Variants in SDCCAG8 observed in about 807,000 individuals in gnomAD.
SDCCAG8 encodes the protein serologically defined colon cancer antigen 8.
Under a neutral mutation model 101.8 loss-of-function variants are expected in SDCCAG8, and 74 were observed. That is an observed-to-expected ratio of 0.73 (90% CI 0.60 to 0.88). The LOEUF (loss-of-function observed/expected upper bound fraction) is 0.88, where lower values mean the gene tolerates loss of function less well. Ranked by LOEUF, SDCCAG8 falls within the 40% of genes least tolerant of loss-of-function variation. The pLI is 0.00. For synonymous variants in SDCCAG8, 281 were observed against 292.9 expected (o/e 0.96, Z 0.41); for missense variants, 787 against 822.6 (o/e 0.96, Z 0.53).
At chr1:243,375,335 G>C (rs1411072489) in intron 12 of SDCCAG8, among the ~76,000 whole-genome samples, 1 of 152,098 alleles carries the variant, frequency 6.6e-6, no homozygotes, top group Non-Finnish European at 1.5e-5. Flanking sequence ...TCCTTGTTAT[G>C]AGCCATTTAA....
intron 8 of SDCCAG8, among the ~76,000 whole-genome samples, chr1:243,309,752 C>T (rs1354204856): frequency 1.3e-5 from 2 of 152,212 alleles, no homozygotes; most frequent in East Asian, 1.9e-4. Flanking sequence ...ACCTCAGCTT[C>T]CCAAAGTATT....
chr1:243,374,016 C>G (rs879286016), intron 12 of SDCCAG8, among the ~76,000 whole-genome samples: 18 of 152,004 alleles, frequency 1.2e-4, no homozygotes, highest in Non-Finnish European at 2.1e-4. Flanking sequence ...CATTTAAATA[C>G]TGTATATTCT....
chr1:243,309,110 G>A (rs2072458552), intron 8 of SDCCAG8, among the ~76,000 whole-genome samples: 1 of 152,164 alleles, frequency 6.6e-6, no homozygotes, highest in African/African-American at 2.4e-5. Context: ...ATCTTCTGTT[G>A]TTTGGAGGAA....
intron 12 of SDCCAG8, among the ~76,000 whole-genome samples, chr1:243,371,131 A>G (rs529085948): frequency 1.1e-4 from 17 of 152,262 alleles, no homozygotes; most frequent in Admixed American, 9.8e-4. Context: ...GTAGCATGAT[A>G]CTTGACCCAT....
chr1:243,448,470 G>A (rs2083098116), intron 16 of SDCCAG8, among the ~76,000 whole-genome samples: 1 of 152,168 alleles, frequency 6.6e-6, no homozygotes, highest in South Asian at 2.1e-4. Flanking sequence ...TTCTAACAAT[G>A]GTAACAGGGG....
chr1:243,297,386 A>T (rs545189573), intron 6 of SDCCAG8, among the ~76,000 whole-genome samples: 1 of 152,180 alleles, frequency 6.6e-6, no homozygotes, highest in Non-Finnish European at 1.5e-5. Context: ...GCTGCTATGA[A>T]CATTCTTTCA....
rs530676093 is a variant in SDCCAG8 at position 243,277,216 on chromosome 1, G to A, written c.420+2560G>A. Among the ~76,000 whole-genome samples the A allele has an allele frequency of 1.6e-4, 24 of 152,306 alleles. No individual in the cohort carries two copies. The South Asian group carries it at 5.0e-3, about 32-fold the overall frequency. On this transcript the variant is annotated intron_variant, in intron 4 of 17. Coordinates refer to ENST00000366541, the MANE Select transcript of SDCCAG8 (RefSeq NM_006642.5). ...GGTAAGACTAATTTTAACTTTGCAAGAAATTGCCTAACTTTTCTAAAGTGG... is the reference window on the plus strand; with the variant it reads ...GGTAAGACTAATTTTAACTTTGCAAAAAATTGCCTAACTTTTCTAAAGTGG...
intron 16 of SDCCAG8, among the ~76,000 whole-genome samples, chr1:243,469,599 C>T (rs1281689617): frequency 6.6e-6 from 1 of 152,146 alleles, no homozygotes; most frequent in African/African-American, 2.4e-5. Flanking sequence ...TACAAGTAAA[C>T]TGAATTTACA....
intron 12 of SDCCAG8, among the ~76,000 whole-genome samples, chr1:243,355,384 G>GTA (rs928928852): frequency 6.6e-6 from 1 of 151,700 alleles, no homozygotes; most frequent in African/African-American, 2.4e-5. Context: ...TATACAAGTA[G>GTA]TAGTATTAGC....
chr1:243,320,663 T>C (rs2073681612), intron 9 of SDCCAG8, among the ~76,000 whole-genome samples: 2 of 152,224 alleles, frequency 1.3e-5, no homozygotes, highest in Admixed American at 1.3e-4. Context: ...TGCCCCAGTT[T>C]TTCCTCATCT....
chr1:243,434,956 G>A (rs2082037744), intron 16 of SDCCAG8, among the ~76,000 whole-genome samples: 1 of 152,180 alleles, frequency 6.6e-6, no homozygotes, highest in South Asian at 2.1e-4. Context: ...TTGGGACAAT[G>A]CCAAAGAAAT....
intron 16 of SDCCAG8, among the ~76,000 whole-genome samples, chr1:243,475,461 G>A (rs149352013): frequency 1.3e-5 from 2 of 152,184 alleles, no homozygotes; most frequent in Non-Finnish European, 2.9e-5. Flanking sequence ...TCCCTCCGGC[G>A]CCTCTTACTC....
chr1:243,493,732 C>G (rs1008163141), intron 17 of SDCCAG8, among the ~76,000 whole-genome samples: 5 of 152,074 alleles, frequency 3.3e-5, no homozygotes, highest in Admixed American at 6.5e-5. Context: ...TAAACTTGTG[C>G]ATGGATCCAG....
At chr1:243,389,460 A>G (rs973067177) in intron 13 of SDCCAG8, among the ~76,000 whole-genome samples, 1 of 152,144 alleles carries the variant, frequency 6.6e-6, no homozygotes, top group Admixed American at 6.5e-5. Context: ...GTGGCCCATG[A>G]TGGCTGCTTG....
intron 16 of SDCCAG8, among the ~76,000 whole-genome samples, chr1:243,434,592 A>G (rs1331619917): frequency 2.6e-5 from 4 of 152,216 alleles, no homozygotes; most frequent in African/African-American, 7.2e-5. Context: ...ACAACAGACA[A>G]TCGAATACTA....
chr1:243,359,140 C>G lies in SDCCAG8; in HGVS notation c.1473+14809C>G, dbSNP rs116212550. Among the ~76,000 whole-genome samples the G allele has an allele frequency of 5.6e-3, 851 of 152,290 alleles. 13 individuals carry two copies. Among genetic ancestry groups the G allele is most frequent in the African/African-American group, 0.02 (817 of 41,548 alleles). On this transcript the variant is annotated intron_variant, in intron 12 of 17. Coordinates refer to ENST00000366541, the MANE Select transcript of SDCCAG8 (RefSeq NM_006642.5). ...AGGAGTGTTAGCCAGCACCTTCCTC[C>G]TTCCTCTTGGTGACTAGAGTGTTAG...
At chr1:243,479,803 A>C (rs758420325) in intron 16 of SDCCAG8, among the ~76,000 whole-genome samples, 8 of 152,078 alleles carry the variant, frequency 5.3e-5, no homozygotes, top group Non-Finnish European at 1.0e-4. Context: ...GCCACACAAA[A>C]ATTATTCTCC....
At chr1:243,353,761 C>A (rs1431392847) in intron 12 of SDCCAG8, among the ~76,000 whole-genome samples, 1 of 152,082 alleles carries the variant, frequency 6.6e-6, no homozygotes, top group East Asian at 1.9e-4. Context: ...ATATAATTGT[C>A]TCCTTGTAAT....
intron 9 of SDCCAG8, among the ~76,000 whole-genome samples, chr1:243,328,464 AC>A (rs1291586756): frequency 2.0e-5 from 3 of 151,948 alleles, no homozygotes; most frequent in Non-Finnish European, 4.4e-5. Context: ...TTTTAGTAGG[AC>A]GGGGTTTCAC....
Sources: allele counts gnomAD v4.1 joint callset (sites outside exome capture counted in the v4.1 genomes callset), GRCh38; gene constraint gnomAD v4.1.1; transcripts MANE v1.5; gene names NCBI Gene and HGNC (gene_info 2026-07-23, HGNC 2026-07-21).